NKAIN2: variants seen among roughly 807,000 people sequenced by gnomAD.
The protein encoded by NKAIN2 is sodium/potassium-transporting ATPase subunit beta-1-interacting protein 2.
A neutral mutation model predicts 32.6 loss-of-function variants in NKAIN2; 14 were observed. That is an observed-to-expected ratio of 0.43 (90% confidence interval 0.28 to 0.67). The LOEUF (loss-of-function observed/expected upper bound fraction) is 0.67. NKAIN2 is among the 30% of genes least tolerant of loss of function. The pLI is 0.17. For missense variants in NKAIN2, 198 were observed against 258.3 expected (o/e 0.77, Z 1.60); for synonymous variants, 80 against 87.2 (o/e 0.92, Z 0.46).
At chr6:123,826,678 CCTT>C (rs1254837400) in intron 1 of NKAIN2, among the ~76,000 whole-genome samples, 2 of 152,060 alleles carry the variant, frequency 1.3e-5, no homozygotes, top group Admixed American at 6.6e-5. Flanking sequence ...CATTTTGTAG[CCTT>C]CTTCAGAGTT....
chr6:123,982,688 CTG>C (rs922502100), intron 1 of NKAIN2, among the ~76,000 whole-genome samples: 5 of 151,854 alleles, frequency 3.3e-5, no homozygotes, highest in African/African-American at 1.2e-4. Context: ...TTAGAGGTGA[CTG>C]TTACTGCAAA....
chr6:124,007,226 G>A (rs1436103841), intron 1 of NKAIN2, among the ~76,000 whole-genome samples: 1 of 152,076 alleles, frequency 6.6e-6, no homozygotes, highest in African/African-American at 2.4e-5. Context: ...ATACAAATAC[G>A]GTATTATAGT....
intron 4 of NKAIN2, among the ~76,000 whole-genome samples, chr6:124,676,393 G>A (rs903804989): frequency 6.6e-6 from 1 of 151,944 alleles, no homozygotes; most frequent in Non-Finnish European, 1.5e-5. Context: ...TTCTATCTGG[G>A]TGTTCTATCC....
intron 2 of NKAIN2, among the ~76,000 whole-genome samples, chr6:124,312,218 T>G (rs1199132204): frequency 6.6e-6 from 1 of 152,148 alleles, no homozygotes; most frequent in African/African-American, 2.4e-5. Context: ...ATTGAAGACT[T>G]CTGTGACTTA....
chr6:124,064,300 T>C (rs1031229728), intron 1 of NKAIN2, among the ~76,000 whole-genome samples: 3 of 152,156 alleles, frequency 2.0e-5, no homozygotes, highest in Non-Finnish European at 4.4e-5. Context: ...ACTTTTCTTA[T>C]TTGCAAATAT....
intron 1 of NKAIN2, among the ~76,000 whole-genome samples, chr6:123,933,838 C>T (rs1172971921): frequency 2.6e-5 from 4 of 152,146 alleles, no homozygotes; most frequent in Non-Finnish European, 4.4e-5. Context: ...ATTCAGTGCT[C>T]ACGGGTCATT....
rs1340830617 is a variant in NKAIN2 at position 124,729,015 on chromosome 6, T to A, written c.475-62324T>A. Among the ~76,000 whole-genome samples, 15 of 150,076 alleles carry A rather than the reference T, an allele frequency of 1.0e-4. No homozygotes were observed. In the East Asian group the frequency reaches 1.0e-3, roughly 10 times the overall value. ...CTCCCAAGACTAAACCAGGAAGAAG[T>A]TGAATCTCTGAATAGACCAATAACA... On this transcript the variant is annotated intron_variant, in intron 4 of 6. Transcript: ENST00000368417.
At chr6:124,625,997 G>A (rs909525982) in intron 3 of NKAIN2, among the ~76,000 whole-genome samples, 6 of 151,102 alleles carry the variant, frequency 4.0e-5, no homozygotes, top group African/African-American at 1.5e-4. Flanking sequence ...CAATATGCAG[G>A]TTTGTTACAT....
intron 3 of NKAIN2, among the ~76,000 whole-genome samples, chr6:124,457,513 T>C (rs1473209179): frequency 6.6e-6 from 1 of 151,938 alleles, no homozygotes; most frequent in Non-Finnish European, 1.5e-5. Flanking sequence ...CCCTCAGAAC[T>C]TCTCATAAAA....
At chr6:124,774,132 G>A (rs916163494) in intron 4 of NKAIN2, among the ~76,000 whole-genome samples, 5 of 152,168 alleles carry the variant, frequency 3.3e-5, no homozygotes, top group African/African-American at 1.2e-4. Flanking sequence ...GCTGGCTGCT[G>A]TGCTACAAGT....
At chr6:124,461,487 T>C (rs1776529459) in intron 3 of NKAIN2, among the ~76,000 whole-genome samples, 1 of 151,778 alleles carries the variant, frequency 6.6e-6, no homozygotes, top group African/African-American at 2.4e-5. Flanking sequence ...ATCTCCTTCT[T>C]AATTACTTTT....
intron 1 of NKAIN2, among the ~76,000 whole-genome samples, chr6:124,149,141 A>T (rs1562386456): frequency 3.0e-5 from 4 of 134,540 alleles, no homozygotes; most frequent in Admixed American, 2.1e-4. Context: ...TTTCCCACTT[A>T]AAAAAAAAAG....
chr6:124,287,145 A>G (rs993381935), intron 2 of NKAIN2, among the ~76,000 whole-genome samples: 48 of 152,262 alleles, frequency 3.2e-4, no homozygotes, highest in African/African-American at 1.1e-3. Context: ...CTCTCTTTCA[A>G]CTTGTGATAT....
At chr6:123,857,171 T>C (rs762632440) in intron 1 of NKAIN2, among the ~76,000 whole-genome samples, 2 of 152,180 alleles carry the variant, frequency 1.3e-5, no homozygotes, top group Non-Finnish European at 2.9e-5. Flanking sequence ...GTGTCAGGGG[T>C]TTATGGAACC....
chr6:124,400,396 A>C (rs1178352527), intron 3 of NKAIN2, among the ~76,000 whole-genome samples: 1 of 152,186 alleles, frequency 6.6e-6, no homozygotes, highest in Admixed American at 6.5e-5. Flanking sequence ...AATATAGAGC[A>C]AAATGCACAG....
At chr6:124,788,737 C>T (rs895350965) in intron 4 of NKAIN2, among the ~76,000 whole-genome samples, 1 of 152,066 alleles carries the variant, frequency 6.6e-6, no homozygotes, top group Admixed American at 6.6e-5. Context: ...ATGGGAACTA[C>T]AGTTCAAGAT....
At chr6:124,382,755 C>T (rs1410269175) in intron 3 of NKAIN2, among the ~76,000 whole-genome samples, 1 of 152,162 alleles carries the variant, frequency 6.6e-6, no homozygotes, top group East Asian at 1.9e-4. Context: ...TATTTTGTTA[C>T]AGGTTTCAGA....
chr6:123,936,256 A>C (rs908691470), intron 1 of NKAIN2, among the ~76,000 whole-genome samples: 2 of 152,192 alleles, frequency 1.3e-5, no homozygotes, highest in African/African-American at 4.8e-5. Context: ...CATTATAGGA[A>C]AAGAGAAGAG....
intron 4 of NKAIN2, among the ~76,000 whole-genome samples, chr6:124,763,596 A>G (rs534108263): frequency 6.6e-6 from 1 of 152,324 alleles, no homozygotes; most frequent in African/African-American, 2.4e-5. Context: ...ACAATTCAAC[A>G]TGAGATTTGG....
Sources: allele counts gnomAD v4.1 joint callset (sites outside exome capture counted in the v4.1 genomes callset), GRCh38; gene constraint gnomAD v4.1.1; transcripts MANE v1.5; gene names NCBI Gene and HGNC (gene_info 2026-07-23, HGNC 2026-07-21).